Variants in RALGDS observed in about 807,000 individuals in gnomAD.
The protein encoded by RALGDS is ral guanine nucleotide dissociation stimulator, also known as ral guanine nucleotide exchange factor.
A neutral mutation model predicts 99.8 loss-of-function variants in RALGDS; 44 were observed. The observed-to-expected ratio is 0.44, with a 90% CI of 0.35 to 0.57. The LOEUF is 0.57. Ranked by LOEUF, RALGDS falls within the 20% of genes least tolerant of loss-of-function variation. RALGDS has a pLI of 0.01. For synonymous variants in RALGDS, 529 were observed against 505.0 expected (o/e 1.05, Z -0.64); for missense variants, 1,022 against 1,203.1 (o/e 0.85, Z 2.23).
At position 133,108,193 on chromosome 9, in the gene RALGDS, G is replaced by A. The variant is rs148697190; in HGVS notation, c.992C>T (p.Pro331Leu). Residue 331 changes from proline (P) to leucine (L), a missense_variant, in exon 6 of 18, where the codon CCA (proline) becomes CTA (leucine). Physicochemically the swap from Pro to Leu is moderately conservative, Grantham distance 98 (BLOSUM62 -3). Transcript: ENST00000372050. ...TGGAGCTGGCTCTAGTTCCAGAGCT[G>A]GCGCTGGAGCCGATTCTAGTCCCAC... ...PAVGLESAPA[P>L]ALELEPAPEQ... 377 of 1,613,442 alleles carry A rather than the reference G, an allele frequency of 2.3e-4. 2 individuals carry two copies. The African/African-American group carries it at 3.9e-3, about 17-fold the overall frequency.
intron 1 of RALGDS, among the ~76,000 whole-genome samples, chr9:133,139,640 G>A (rs1292756301): frequency 2.6e-5 from 4 of 152,182 alleles, no homozygotes; most frequent in East Asian, 1.9e-4. Context: ...TCGCCTCCTC[G>A]GGGCCGTAGT....
At chr9:133,136,418 A>T (rs980824233) in intron 1 of RALGDS, among the ~76,000 whole-genome samples, 9 of 151,962 alleles carry the variant, frequency 5.9e-5, no homozygotes, top group Non-Finnish European at 5.9e-5. Context: ...CAAGTGAATC[A>T]CTTGAGCTCA....
intron 1 of RALGDS, among the ~76,000 whole-genome samples, chr9:133,143,027 T>A (rs1170436466): frequency 3.3e-5 from 5 of 152,220 alleles, no homozygotes; most frequent in Non-Finnish European, 1.5e-5. Flanking sequence ...GTGGCACTTA[T>A]CTTGCAGAGT....
intron 1 of RALGDS, among the ~76,000 whole-genome samples, chr9:133,113,229 C>A (rs11244000): frequency 6.6e-6 from 1 of 152,134 alleles, no homozygotes; most frequent in Non-Finnish European, 1.5e-5. Flanking sequence ...CAGTCAGTGC[C>A]CCAGCCCAGG....
At chr9:133,106,589 G>T in intron 8 of RALGDS, 56 bp downstream of exon 8, 1 of 1,363,960 alleles carries the variant, frequency 7.3e-7, no homozygotes, top group Non-Finnish European at 1.0e-6. Flanking sequence ...AGGGGGTGAT[G>T]CCAGCCCTGT....
chr9:133,102,945 C>T (rs749263117), intron 12 of RALGDS, 45 bp from the exon 13 acceptor site: 2 of 1,609,056 alleles, frequency 1.2e-6, no homozygotes, highest in East Asian at 2.2e-5. Flanking sequence ...GCCCCCCGGG[C>T]AGCACAGGGG....
At chr9:133,140,704 A>C (rs1257135757) in intron 1 of RALGDS, among the ~76,000 whole-genome samples, 1 of 151,954 alleles carries the variant, frequency 6.6e-6, no homozygotes, top group Non-Finnish European at 1.5e-5. Context: ...TTAGTGCAGC[A>C]CCCACGCAGG....
intron 3 of RALGDS, 45 bp from the exon 4 acceptor site, chr9:133,109,766 C>A: frequency 6.5e-7 from 1 of 1,546,924 alleles, no homozygotes; most frequent in Non-Finnish European, 8.9e-7. Flanking sequence ...CCGACTAGAA[C>A]GGAGGCCCAG....
intron 16 of RALGDS, chr9:133,101,257 T>C: frequency 7.4e-7 from 1 of 1,346,472 alleles, no homozygotes; most frequent in South Asian, 1.4e-5. Context: ...GGCCAGGCCC[T>C]GGATACTTCC....
upstream of RALGDS, among the ~76,000 whole-genome samples, chr9:133,135,522 C>T (rs1328711482): frequency 1.3e-5 from 2 of 152,222 alleles, no homozygotes; most frequent in South Asian, 2.1e-4. Flanking sequence ...CCAAGGGCAC[C>T]GCAGCTCCCC....
intron 1 of RALGDS, among the ~76,000 whole-genome samples, chr9:133,142,071 A>C (rs1306003703): frequency 6.6e-6 from 1 of 152,166 alleles, no homozygotes; most frequent in East Asian, 1.9e-4. Flanking sequence ...TGCCACTGTC[A>C]ACTCTCACTC....
Position 133,117,504 on chromosome 9 carries a change from G to T in RALGDS, c.183+3468C>A, listed in dbSNP as rs1042360849. Among the ~76,000 whole-genome samples the T allele has an allele frequency of 3.3e-5, 5 of 152,334 alleles. No homozygotes were observed. The East Asian group carries it at 9.6e-4, about 29-fold the overall frequency. ...CCAACGCAGGTGTCCTGCCCCGCCC[G>T]CCAAGCCACTGTTGGGCTGCCATCC... is the stretch of plus-strand genomic sequence containing the variant. On this transcript the variant is annotated intron_variant, in intron 1 of 17. Transcript: ENST00000372050.
upstream of RALGDS, among the ~76,000 whole-genome samples, chr9:133,135,716 C>A (rs2119260382): frequency 6.6e-6 from 1 of 152,312 alleles, no homozygotes; most frequent in Middle Eastern, 3.4e-3. Flanking sequence ...CCTTGCTGAG[C>A]CTTGGTTCTA....
chr9:133,135,356 A>G (rs950952090), upstream of RALGDS, among the ~76,000 whole-genome samples: 1 of 152,082 alleles, frequency 6.6e-6, no homozygotes, highest in East Asian at 1.9e-4. Flanking sequence ...TGGCTGATTC[A>G]CCCACCGCAG....
intron 12 of RALGDS, 108 bp from the exon 13 acceptor site, chr9:133,103,008 C>T: frequency 1.3e-6 from 2 of 1,516,726 alleles, no homozygotes; most frequent in South Asian, 1.2e-5. Context: ...TACTCCCATC[C>T]AGGCCTTCCT....
chr9:133,148,922 C>T, intron 1 of RALGDS: 1 of 1,597,664 alleles, frequency 6.3e-7, no homozygotes, highest in South Asian at 1.1e-5. Flanking sequence ...TACGGTCCTC[C>T]CTCCACCCGC....
intron 1 of RALGDS, among the ~76,000 whole-genome samples, chr9:133,146,393 C>T (rs2886306): frequency 0.6 from 90,670 of 151,924 alleles, 27,514 homozygotes; most frequent in Non-Finnish European, 0.65. Context: ...GGTTTCACCA[C>T]GTTGGCCAGG....
chr9:133,129,088 G>GTGC, intron 1 of RALGDS: 1 of 1,512,360 alleles, frequency 6.6e-7, no homozygotes, highest in Non-Finnish European at 8.8e-7. Context: ...GCTCGGCGGT[G>GTGC]ACCCACCCAG....
rs73660455 is a variant in RALGDS, at chr9:133,145,509, G to A, written c.18+3454C>T. On this transcript the variant is annotated intron_variant, in intron 1 of 17. Coordinates refer to the RALGDS transcript ENST00000393160. ...GTATGTTCGTCATATTCAGATGTTC[G>A]TAAAAATCAAGTGGCAGCAGTGCTG... Among the ~76,000 whole-genome samples, 730 of 152,278 alleles carry A rather than the reference G, an allele frequency of 4.8e-3. 4 individuals carry two copies. The highest frequency in any genetic ancestry group is 0.016 in the African/African-American group (683 of 41,538).
Sources: allele counts gnomAD v4.1 joint callset (sites outside exome capture counted in the v4.1 genomes callset), GRCh38; gene constraint gnomAD v4.1.1; transcripts MANE v1.5; gene names NCBI Gene and HGNC (gene_info 2026-07-23, HGNC 2026-07-21).